Variants in BCAT1 observed in about 807,000 individuals in gnomAD.
BCAT1 encodes branched-chain-amino-acid aminotransferase, cytosolic.
A neutral mutation model predicts 52.4 loss-of-function variants in BCAT1; 48 were observed. The observed-to-expected ratio is 0.92, with a 90% CI of 0.73 to 1.16. The LOEUF (loss-of-function observed/expected upper bound fraction) is 1.16. BCAT1 is among the 50% of genes most tolerant of loss of function. The pLI is 0.00. For missense variants in BCAT1, 451 were observed against 457.1 expected (o/e 0.99, Z 0.12); for synonymous variants, 167 against 161.3 (o/e 1.04, Z -0.27).
chr12:24,857,918 T>C (rs950864138), intron 5 of BCAT1, among the ~76,000 whole-genome samples: 11 of 152,160 alleles, frequency 7.2e-5, no homozygotes, highest in African/African-American at 2.7e-4. Flanking sequence ...CTGTGCACGT[T>C]TGGATCAGAG....
At chr12:24,908,814 G>A (rs1057431051) in intron 1 of BCAT1, among the ~76,000 whole-genome samples, 7 of 152,170 alleles carry the variant, frequency 4.6e-5, no homozygotes, top group African/African-American at 1.2e-4. Flanking sequence ...TCTGAGCACC[G>A]GTTTGGGCAT....
At chr12:24,899,933 A>T (rs1378744851) in intron 2 of BCAT1, among the ~76,000 whole-genome samples, 2 of 151,962 alleles carry the variant, frequency 1.3e-5, no homozygotes, top group Non-Finnish European at 2.9e-5. Flanking sequence ...GGAGGAAGAG[A>T]GGTTGGTTAA....
intron 1 of BCAT1, among the ~76,000 whole-genome samples, chr12:24,921,550 A>G (rs1241954630): frequency 6.6e-6 from 1 of 152,232 alleles, no homozygotes; most frequent in Non-Finnish European, 1.5e-5. Flanking sequence ...TTTCCCAGTA[A>G]TGTAAGCCCA....
At chr12:24,885,509 C>T (rs1394938770) in intron 3 of BCAT1, among the ~76,000 whole-genome samples, 1 of 152,064 alleles carries the variant, frequency 6.6e-6, no homozygotes, top group Non-Finnish European at 1.5e-5. Context: ...CATTAGGGCA[C>T]TTTATTTTCT....
chr12:24,911,718 C>G (rs1259210663), intron 1 of BCAT1, among the ~76,000 whole-genome samples: 1 of 152,136 alleles, frequency 6.6e-6, no homozygotes, highest in African/African-American at 2.4e-5. Context: ...ACCCCTCGTC[C>G]TCATTTGCAC....
chr12:24,903,192 T>A, intron 1 of BCAT1: 1 of 1,133,498 alleles, frequency 8.8e-7, no homozygotes, highest in Non-Finnish European at 1.1e-6. Context: ...TCCAACCGTC[T>A]CGTCCCAGTC....
chr12:24,829,565 T>C (rs567605606), intron 10 of BCAT1, among the ~76,000 whole-genome samples: 70 of 152,324 alleles, frequency 4.6e-4, no homozygotes, highest in African/African-American at 1.6e-3. Context: ...ATCTATTTTT[T>C]AATGTTAAGT....
At chr12:24,834,077 C>G (rs1241329008) in intron 8 of BCAT1, 1 of 908,734 alleles carries the variant, frequency 1.1e-6, no homozygotes. Flanking sequence ...CTCAGCCTCC[C>G]AAAGTGCCAA....
intron 1 of BCAT1, among the ~76,000 whole-genome samples, chr12:24,905,072 C>G (rs1943205182): frequency 6.6e-6 from 1 of 152,164 alleles, no homozygotes; most frequent in Non-Finnish European, 1.5e-5. Flanking sequence ...AAAAGAACTT[C>G]TCTGAGGAGG....
chr12:24,849,075 T>G (rs923994772), intron 6 of BCAT1, among the ~76,000 whole-genome samples: 1 of 152,238 alleles, frequency 6.6e-6, no homozygotes, highest in African/African-American at 2.4e-5. Flanking sequence ...GCCCTGAGTA[T>G]GCAAACAGCA....
At position 24,812,344 on chromosome 12, in the gene BCAT1, T is replaced by A. The variant is rs974417533; in HGVS notation, c.*5664A>T. Reference sequence around the variant, plus strand: ...GAAAAAAGTCACAATCTACTTCTTGTCTAAACTTATTATTTTATTTGGCCT... The same window carrying A: ...GAAAAAAGTCACAATCTACTTCTTGACTAAACTTATTATTTTATTTGGCCT... On this transcript the variant is annotated 3_prime_UTR_variant, in exon 11 of 11. Coordinates refer to ENST00000261192, the MANE Select transcript of BCAT1 (RefSeq NM_005504.7). 1 of 152,070 alleles carries A rather than the reference T, an allele frequency of 6.6e-6. No individual in the cohort carries two copies. The highest frequency in any genetic ancestry group is 2.4e-5 in the African/African-American group (1 of 41,448). 9.4% of individuals were successfully genotyped at this position (152,070 alleles called of 1,614,324 possible). A position where few individuals can be genotyped will look rare whatever the true frequency, so the allele number is the denominator to read the frequency against.
At chr12:24,853,806 AAACACTTT>A (rs1411414841) in intron 5 of BCAT1, among the ~76,000 whole-genome samples, 2 of 152,216 alleles carry the variant, frequency 1.3e-5, no homozygotes, top group East Asian at 3.8e-4. Flanking sequence ...CATTCCTTAT[AAACACTTT>A]AACACTTTGG....
chr12:24,908,957 C>T (rs1405389648), intron 1 of BCAT1, among the ~76,000 whole-genome samples: 1 of 152,120 alleles, frequency 6.6e-6, no homozygotes, highest in Non-Finnish European at 1.5e-5. Context: ...CGACACTCAA[C>T]ATGAAGATAT....
intron 5 of BCAT1, among the ~76,000 whole-genome samples, chr12:24,857,253 T>C (rs1268822699): frequency 1.3e-5 from 2 of 152,200 alleles, no homozygotes; most frequent in African/African-American, 4.8e-5. Flanking sequence ...TTCTCTGAGC[T>C]ATGTTTGGAG....
At chr12:24,825,305 G>A (rs112686716) in intron 10 of BCAT1, among the ~76,000 whole-genome samples, 5,669 of 151,976 alleles carry the variant, frequency 0.037, 191 homozygotes, top group East Asian at 0.19. Context: ...ATATATACCC[G>A]GTGGTAGAAT....
intron 1 of BCAT1, among the ~76,000 whole-genome samples, chr12:24,917,565 C>T (rs1424042676): frequency 6.6e-6 from 1 of 152,076 alleles, no homozygotes; most frequent in Non-Finnish European, 1.5e-5. Flanking sequence ...TGTCAAGGTC[C>T]CTTTCATGAA....
intron 5 of BCAT1, among the ~76,000 whole-genome samples, chr12:24,864,797 C>T (rs964568627): frequency 6.6e-6 from 1 of 152,088 alleles, no homozygotes; most frequent in Non-Finnish European, 1.5e-5. Flanking sequence ...TCTCAAATCC[C>T]AAACACTGCA....
intron 10 of BCAT1, among the ~76,000 whole-genome samples, chr12:24,819,446 C>A (rs1445480025): frequency 6.6e-6 from 1 of 152,146 alleles, no homozygotes; most frequent in Admixed American, 6.6e-5. Flanking sequence ...TACTTCTTTA[C>A]TTCAGAACAA....
chr12:24,844,152 G>A (rs1941261908), intron 6 of BCAT1, among the ~76,000 whole-genome samples: 1 of 152,202 alleles, frequency 6.6e-6, no homozygotes, highest in African/African-American at 2.4e-5. Flanking sequence ...TCCAGGCCGG[G>A]CACGGTGGCT....
Sources: allele counts gnomAD v4.1 joint callset (sites outside exome capture counted in the v4.1 genomes callset), GRCh38; gene constraint gnomAD v4.1.1; transcripts MANE v1.5; gene names NCBI Gene and HGNC (gene_info 2026-07-23, HGNC 2026-07-21).